Variants in ARHGAP32 observed in about 807,000 individuals in gnomAD.
ARHGAP32 encodes Rho GTPase activating protein 32, also known as rho GTPase-activating protein 32.
A neutral mutation model predicts 186.5 loss-of-function variants in ARHGAP32; 51 were observed. The ratio of observed to expected loss-of-function variants is 0.27; its 90% confidence interval spans 0.22 to 0.35. The LOEUF is 0.35. Ranked by LOEUF, ARHGAP32 falls within the 10% of genes least tolerant of loss-of-function variation. The pLI is 1.00. For synonymous variants in ARHGAP32, 950 were observed against 964.3 expected, an observed-to-expected ratio of 0.99 and a Z score of 0.27; for missense variants, 2,186 against 2,623.5, an observed-to-expected ratio of 0.83 and a Z score of 3.64.
intron 2 of ARHGAP32, among the ~76,000 whole-genome samples, chr11:129,162,407 C>T (rs1252037143): frequency 6.6e-6 from 1 of 152,126 alleles, no homozygotes; most frequent in Non-Finnish European, 1.5e-5. Context: ...CAGTGGTTTT[C>T]CTTGACTCTT....
intron 15 of ARHGAP32, among the ~76,000 whole-genome samples, chr11:128,984,857 A>G (rs1945815883): frequency 6.7e-6 from 1 of 149,160 alleles, no homozygotes; most frequent in South Asian, 2.1e-4. Flanking sequence ...TATCTGCAAG[A>G]CTCTATTCTG....
intron 1 of ARHGAP32, among the ~76,000 whole-genome samples, chr11:129,253,390 T>C (rs1345267409): frequency 2.0e-5 from 3 of 152,172 alleles, no homozygotes; most frequent in African/African-American, 4.8e-5. Context: ...ATAAAGAACA[T>C]GTAGCACATG....
At chr11:129,121,133 C>T (rs1942517781) in intron 5 of ARHGAP32, among the ~76,000 whole-genome samples, 2 of 151,480 alleles carry the variant, frequency 1.3e-5, no homozygotes, top group South Asian at 4.2e-4. Flanking sequence ...ATTTTAACTG[C>T]CTGTAGCAGA....
intron 5 of ARHGAP32, among the ~76,000 whole-genome samples, chr11:129,105,810 A>G (rs910539175): frequency 2.0e-5 from 3 of 152,218 alleles, no homozygotes; most frequent in Non-Finnish European, 2.9e-5. Flanking sequence ...TGAGAAGTCT[A>G]TATATGGGAC....
chr11:129,063,640 G>T (rs192051876), intron 9 of ARHGAP32, among the ~76,000 whole-genome samples: 1 of 152,148 alleles, frequency 6.6e-6, no homozygotes, highest in East Asian at 1.9e-4. Flanking sequence ...GTTTTGGGGG[G>T]TATGTATTTG....
At chr11:129,164,962 C>T (rs1943603464) in intron 1 of ARHGAP32, among the ~76,000 whole-genome samples, 2 of 152,158 alleles carry the variant, frequency 1.3e-5, no homozygotes, top group South Asian at 2.1e-4. Flanking sequence ...TCCAGGGCTA[C>T]AAGCTTTGAG....
At chr11:129,135,989 A>C (rs1479241869) in intron 2 of ARHGAP32, among the ~76,000 whole-genome samples, 2 of 152,194 alleles carry the variant, frequency 1.3e-5, no homozygotes, top group African/African-American at 2.4e-5. Flanking sequence ...CACTAAATCT[A>C]AGCATTTCTG....
chr11:129,153,145 C>CA (rs35216784), intron 2 of ARHGAP32, among the ~76,000 whole-genome samples: 43,502 of 142,100 alleles, frequency 0.31, 6,555 homozygotes, highest in Middle Eastern at 0.42. Context: ...CAACAGCTGC[C>CA]AAAAAAAAAA....
intron 10 of ARHGAP32, among the ~76,000 whole-genome samples, chr11:129,058,236 C>CTA (rs1251998127): frequency 0.05 from 6,557 of 131,970 alleles, 167 homozygotes; most frequent in East Asian, 0.066. Context: ...CTCTCTCTCT[C>CTA]TCTATATATA....
In ARHGAP32 at chr11:129,188,236, G is replaced by A. The variant is rs552565474; in HGVS notation, c.116+3847C>T. Among the ~76,000 whole-genome samples the A allele has an allele frequency of 2.6e-5, 4 of 152,274 alleles. 1 individual carries two copies. In the South Asian group the frequency reaches 6.2e-4, roughly 24 times the overall value. On this transcript the variant is annotated intron_variant, in intron 1 of 22. Transcript: ENST00000682385. ...CTCCCAAAGTGCTGGGATTACAGGT[G>A]TGAGCCACCATGCCCAGCCTCAGTT...
At chr11:129,190,249 C>A (rs973278257) in intron 1 of ARHGAP32, among the ~76,000 whole-genome samples, 1 of 152,216 alleles carries the variant, frequency 6.6e-6, no homozygotes. Context: ...TAGGGCATCT[C>A]GGCAGGAACA....
chr11:129,254,139 C>G (rs567859196), intron 1 of ARHGAP32, among the ~76,000 whole-genome samples: 1 of 152,136 alleles, frequency 6.6e-6, no homozygotes, highest in South Asian at 2.1e-4. Flanking sequence ...CCCCTACGCC[C>G]TTGTAACTCA....
intron 1 of ARHGAP32, among the ~76,000 whole-genome samples, chr11:129,244,788 G>C (rs1351715419): frequency 3.9e-5 from 6 of 152,116 alleles, no homozygotes; most frequent in Admixed American, 3.3e-4. Flanking sequence ...AGTGGGCAAA[G>C]GACATAAACA....
At chr11:129,238,444 A>G (rs1944965940) in intron 1 of ARHGAP32, among the ~76,000 whole-genome samples, 1 of 152,176 alleles carries the variant, frequency 6.6e-6, no homozygotes, top group Non-Finnish European at 1.5e-5. Flanking sequence ...ACAATCAGGG[A>G]TTTCATGCAC....
upstream of ARHGAP32, among the ~76,000 whole-genome samples, chr11:129,196,171 C>T (rs1944387841): frequency 6.6e-6 from 1 of 152,138 alleles, no homozygotes; most frequent in African/African-American, 2.4e-5. Flanking sequence ...TGAATTTTTT[C>T]GAAGAGAAAC....
intron 11 of ARHGAP32, among the ~76,000 whole-genome samples, chr11:129,013,769 T>A (rs1938202341): frequency 6.6e-6 from 1 of 152,192 alleles, no homozygotes; most frequent in South Asian, 2.1e-4. Flanking sequence ...AAAAAGAGCT[T>A]ATTTGGGACA....
intron 6 of ARHGAP32, among the ~76,000 whole-genome samples, chr11:129,090,103 A>C (rs1198260843): frequency 3.9e-5 from 6 of 152,212 alleles, no homozygotes. Context: ...TACCTTTCAC[A>C]GAAGCATTAT....
intron 19 of ARHGAP32, 23 bp downstream of exon 19, chr11:128,978,747 G>C: frequency 6.3e-7 from 1 of 1,589,752 alleles, no homozygotes; most frequent in East Asian, 2.3e-5. Flanking sequence ...AGCAGCAGAA[G>C]TGAGAATCTC....
chr11:129,008,229 T>C (rs1189451525), intron 11 of ARHGAP32, among the ~76,000 whole-genome samples: 2 of 152,196 alleles, frequency 1.3e-5, no homozygotes, highest in Non-Finnish European at 2.9e-5. Flanking sequence ...GGTATTTTTT[T>C]ATGCGTATAG....
Sources: gnomAD v4.1 joint callset for allele counts (sites outside exome capture counted in the v4.1 genomes callset) on GRCh38, gnomAD v4.1.1 for gene constraint, MANE v1.5 for transcripts, NCBI Gene and HGNC (gene_info 2026-07-23, HGNC 2026-07-21) for gene names.